Variants in TENT2 observed in about 807,000 individuals in gnomAD.
TENT2 encodes terminal nucleotidyltransferase 2.
TENT2 carries 44 observed loss-of-function variants against 72.2 expected under a neutral mutation model. That is an observed-to-expected ratio of 0.61 (90% CI 0.48 to 0.78). The LOEUF is 0.78. Among genes scored for constraint, TENT2 ranks in the 30% least tolerant of loss-of-function variants. The pLI is 0.00. For missense variants in TENT2, 541 were observed against 569.6 expected (o/e 0.95, Z 0.51); for synonymous variants, 212 against 192.5 (o/e 1.10, Z -0.84).
chr5:79,682,182 G>C, intron 14 of TENT2, 121 bp downstream of exon 14: 1 of 537,616 alleles, frequency 1.9e-6, no homozygotes, highest in Non-Finnish European at 3.2e-6. Flanking sequence ...AATATAGCAT[G>C]ATAGAGAACT....
intron 8 of TENT2, among the ~76,000 whole-genome samples, chr5:79,648,362 G>A (rs1253221478): frequency 6.6e-6 from 1 of 152,044 alleles, no homozygotes; most frequent in Non-Finnish European, 1.5e-5. Context: ...TGGAGCCTTA[G>A]CAGTATGTTA....
rs1826639135 is a variant in TENT2 at position 79,688,157 on chromosome 5, C to G, written c.*2884C>G. On this transcript the variant is annotated 3_prime_UTR_variant, in exon 15 of 15. Coordinates refer to ENST00000453514, the MANE Select transcript of TENT2 (RefSeq NM_001114394.3). The stretch of plus-strand genomic sequence containing the variant: ...AATGCATGCATACCAGCTCGTGTAA[C>G]TGGTGAATAATCCCCAGCTTACAGT... 6.6e-6 allele frequency among the ~76,000 whole-genome samples: 1 copy of G among 152,210 alleles called. No individual in the cohort carries two copies. The highest frequency in any genetic ancestry group is 1.5e-5 in the Non-Finnish European group (1 of 68,048).
intron 1 of TENT2, chr5:79,615,073 A>C (rs1376507394): frequency 6.6e-6 from 1 of 152,216 alleles, no homozygotes; most frequent in Non-Finnish European, 1.5e-5. Context: ...TTTGTTTTGC[A>C]GGGGCTCCAG....
rs565774153 is a variant in TENT2 at position 79,654,141 on chromosome 5, G to T, written c.1028-2817G>T. Among the ~76,000 whole-genome samples, 378 of 152,238 alleles carry T rather than the reference G, an allele frequency of 2.5e-3. 1 individual carries two copies. The highest frequency in any genetic ancestry group is 4.1e-3 in the Non-Finnish European group (277 of 68,002). On this transcript the variant is annotated intron_variant, in intron 10 of 14. Coordinates refer to ENST00000453514, the MANE Select transcript of TENT2 (RefSeq NM_001114394.3). ...TTTTAATTATAATTTAAGAGTTAAT[G>T]AAAAAGGAGGCCGGGCACGGTGGCT...
At chr5:79,683,665 C>T (rs1308069522) in intron 14 of TENT2, among the ~76,000 whole-genome samples, 2 of 151,860 alleles carry the variant, frequency 1.3e-5, no homozygotes, top group African/African-American at 2.4e-5. Context: ...CCTGTAATCC[C>T]AGCACTTTGG....
At chr5:79,666,026 C>T (rs1248730737) in intron 11 of TENT2, among the ~76,000 whole-genome samples, 1 of 150,912 alleles carries the variant, frequency 6.6e-6, no homozygotes, top group Non-Finnish European at 1.5e-5. Flanking sequence ...CTCTGTTACC[C>T]AGGCTGGGAT....
At chr5:79,627,108 C>T (rs1283424460) in intron 4 of TENT2, among the ~76,000 whole-genome samples, 5 of 142,712 alleles carry the variant, frequency 3.5e-5, no homozygotes, top group Non-Finnish European at 6.0e-5. Context: ...CCAGCCTGGG[C>T]GACAGAGTGA....
At chr5:79,619,530 T>C (rs536222708) in intron 1 of TENT2, 82 bp from the exon 2 acceptor site, 5 of 1,019,280 alleles carry the variant, frequency 4.9e-6, no homozygotes, top group Non-Finnish European at 6.7e-6. Context: ...CTAATTGTTT[T>C]AAGTTAGTGG....
At chr5:79,684,269 ACT>A (rs1234243652) in intron 14 of TENT2, among the ~76,000 whole-genome samples, 2 of 151,942 alleles carry the variant, frequency 1.3e-5, no homozygotes, top group African/African-American at 4.8e-5. Context: ...TTGTAAATTT[ACT>A]CTCTCCTTCA....
intron 10 of TENT2, among the ~76,000 whole-genome samples, chr5:79,652,991 A>G (rs918856417): frequency 6.6e-6 from 1 of 152,042 alleles, no homozygotes; most frequent in Non-Finnish European, 1.5e-5. Flanking sequence ...ATGTGGCACC[A>G]CCATTCCCTA....
chr5:79,641,298 A>T, intron 6 of TENT2, 102 bp downstream of exon 6: 1 of 969,828 alleles, frequency 1.0e-6, no homozygotes, highest in East Asian at 2.8e-5. Flanking sequence ...TGTTGTGATT[A>T]CTTCTTTGAA....
rs187205518 is a variant in TENT2, at chr5:79,685,471, T to A, written c.*198T>A. 6.8e-4 allele frequency: 278 copies of A among 410,196 alleles called. No homozygotes were observed. The highest frequency in any genetic ancestry group is 6.8e-4 in the Non-Finnish European group (161 of 235,100). The allele number at this position is 410,196 out of a possible 1,614,324, so 25.4% of individuals were successfully genotyped here. Reference sequence around the variant, plus strand: ...CCCCTTTGATTTAAAAATGTATTTTTAAAAATGTTTACATTGATGATGAGT... The same window carrying A: ...CCCCTTTGATTTAAAAATGTATTTTAAAAAATGTTTACATTGATGATGAGT... On this transcript the variant is annotated 3_prime_UTR_variant, in exon 15 of 15. Transcript: ENST00000453514.
At chr5:79,682,471 G>C (rs1427585448) in intron 14 of TENT2, among the ~76,000 whole-genome samples, 2 of 142,036 alleles carry the variant, frequency 1.4e-5, no homozygotes, top group Non-Finnish European at 3.0e-5. Context: ...TTTTTGTAGA[G>C]ACAGGGTTTC....
At chr5:79,648,519 G>A in intron 8 of TENT2, 98 bp from the exon 9 acceptor site, 1 of 789,384 alleles carries the variant, frequency 1.3e-6, no homozygotes, top group Non-Finnish European at 2.0e-6. Flanking sequence ...ATACTATTTT[G>A]CATCATGGGA....
chr5:79,628,476 A>G (rs1408866695), intron 4 of TENT2, among the ~76,000 whole-genome samples: 2 of 152,240 alleles, frequency 1.3e-5, no homozygotes, highest in Non-Finnish European at 2.9e-5. Context: ...CTTGAAGGCT[A>G]TCCTAATGAG....
intron 11 of TENT2, among the ~76,000 whole-genome samples, chr5:79,657,886 A>G (rs1388212366): frequency 2.0e-5 from 3 of 152,236 alleles, no homozygotes; most frequent in African/African-American, 2.4e-5. Context: ...TCAAAGAGAA[A>G]TATCACCAGC....
chr5:79,683,038 C>G (rs866895889), intron 14 of TENT2, among the ~76,000 whole-genome samples: 2 of 151,846 alleles, frequency 1.3e-5, no homozygotes, highest in South Asian at 2.1e-4. Context: ...ATTTAAAATG[C>G]AAGTATTGAG....
At chr5:79,659,706 T>C (rs1188050034) in intron 11 of TENT2, among the ~76,000 whole-genome samples, 1 of 150,724 alleles carries the variant, frequency 6.6e-6, no homozygotes, top group African/African-American at 2.4e-5. Flanking sequence ...CCTCTTTCAC[T>C]AATGAAGAAA....
chr5:79,663,533 G>A (rs1207644831), intron 11 of TENT2, among the ~76,000 whole-genome samples: 2 of 152,126 alleles, frequency 1.3e-5, no homozygotes, highest in Non-Finnish European at 2.9e-5. Flanking sequence ...AGAATAAATA[G>A]GGAGACCCAA....
Sources: gnomAD v4.1 joint callset for allele counts (sites outside exome capture counted in the v4.1 genomes callset) on GRCh38, gnomAD v4.1.1 for gene constraint, MANE v1.5 for transcripts, NCBI Gene and HGNC (gene_info 2026-07-23, HGNC 2026-07-21) for gene names.